Variants in PDE4D observed in about 807,000 individuals in gnomAD.
The protein encoded by PDE4D is 3',5'-cyclic-AMP phosphodiesterase 4D.
PDE4D carries 24 observed loss-of-function variants against 87.4 expected under a neutral mutation model. The observed-to-expected ratio is 0.27, with a 90% CI of 0.20 to 0.39. The LOEUF is 0.39. Among genes scored for constraint, PDE4D ranks in the 10% least tolerant of loss-of-function variants. The probability of loss-of-function intolerance (pLI) is 1.00; values close to 1 mark genes in which losing one functional copy is unlikely to be tolerated. For missense variants in PDE4D, 714 were observed against 1,041.0 expected (o/e 0.69, Z 4.32); for synonymous variants, 384 against 383.2 (o/e 1.00, Z -0.02).
At chr5:58,988,639 T>C (rs1442038692) in intron 10 of PDE4D, 47 bp from the exon 11 acceptor site, 1 of 805,062 alleles carries the variant, frequency 1.2e-6, no homozygotes, top group Non-Finnish European at 1.9e-6. Context: ...TACAATGATA[T>C]GAATTAAAAG....
chr5:60,321,775 A>C (rs1316484190), intron 1 of PDE4D, among the ~76,000 whole-genome samples: 1 of 152,230 alleles, frequency 6.6e-6, no homozygotes, highest in Non-Finnish European at 1.5e-5. Context: ...ACACACAACC[A>C]ACAAATATGT....
intron 3 of PDE4D, among the ~76,000 whole-genome samples, chr5:59,932,609 T>C (rs1473540959): frequency 6.6e-6 from 1 of 152,210 alleles, no homozygotes; most frequent in East Asian, 1.9e-4. Context: ...GCCATCACAC[T>C]GTAAAGACCT....
intron 1 of PDE4D, among the ~76,000 whole-genome samples, chr5:59,260,301 T>C (rs1761758925): frequency 6.6e-6 from 1 of 151,842 alleles, no homozygotes; most frequent in Non-Finnish European, 1.5e-5. Flanking sequence ...TTTATGTGAA[T>C]TTGAAATTTA....
intron 1 of PDE4D, among the ~76,000 whole-genome samples, chr5:60,428,904 A>C (rs1387091604): frequency 1.3e-5 from 2 of 152,214 alleles, no homozygotes; most frequent in African/African-American, 2.4e-5. Context: ...ATTTGGAACC[A>C]GACAGACTTC....
chr5:59,427,304 C>T (rs953128057), intron 1 of PDE4D, among the ~76,000 whole-genome samples: 15 of 142,600 alleles, frequency 1.1e-4, no homozygotes, highest in Non-Finnish European at 1.7e-4. Flanking sequence ...CACACACACA[C>T]ACACACACAC....
At chr5:59,062,018 C>G (rs1763201466) in intron 5 of PDE4D, among the ~76,000 whole-genome samples, 1 of 152,050 alleles carries the variant, frequency 6.6e-6, no homozygotes, top group East Asian at 1.9e-4. Flanking sequence ...GCAGCATCAC[C>G]AGCGTCCACT....
intron 1 of PDE4D, among the ~76,000 whole-genome samples, chr5:59,515,704 G>C (rs576027341): frequency 1.2e-3 from 183 of 152,268 alleles, no homozygotes; most frequent in Admixed American, 2.6e-3. Flanking sequence ...AGCAACAGAA[G>C]TCTACAGTGG....
At chr5:60,271,577 G>A (rs1750814196) in intron 1 of PDE4D, among the ~76,000 whole-genome samples, 1 of 152,132 alleles carries the variant, frequency 6.6e-6, no homozygotes, top group South Asian at 2.1e-4. Context: ...CCCCACCAAA[G>A]AAAAGGCCCT....
At chr5:60,170,285 A>G (rs1337335873) in intron 2 of PDE4D, among the ~76,000 whole-genome samples, 1 of 152,016 alleles carries the variant, frequency 6.6e-6, no homozygotes, top group Non-Finnish European at 1.5e-5. Flanking sequence ...ACTTGGGATG[A>G]GTCAAATAAG....
intron 1 of PDE4D, among the ~76,000 whole-genome samples, chr5:60,382,460 C>A (rs16877968): frequency 2.0e-5 from 3 of 152,156 alleles, no homozygotes; most frequent in Non-Finnish European, 4.4e-5. Flanking sequence ...CCAAGAGCAT[C>A]GGACTCAACT....
chr5:59,599,536 T>A (rs191068889), intron 1 of PDE4D, among the ~76,000 whole-genome samples: 2 of 152,226 alleles, frequency 1.3e-5, no homozygotes, highest in Non-Finnish European at 2.9e-5. Context: ...TTTCAAACTG[T>A]CCCTTTAAAC....
chr5:60,444,439 A>G (rs1020877785), intron 1 of PDE4D, among the ~76,000 whole-genome samples: 1 of 152,122 alleles, frequency 6.6e-6, no homozygotes, highest in African/African-American at 2.4e-5. Context: ...ATTCCCAAAG[A>G]TATTATAGTA....
chr5:59,483,821 C>A (rs193253609), intron 1 of PDE4D, among the ~76,000 whole-genome samples: 2 of 152,162 alleles, frequency 1.3e-5, no homozygotes, highest in African/African-American at 4.8e-5. Flanking sequence ...TTTAGGGACA[C>A]CTTTGCTGCT....
At chr5:59,990,840 A>T (rs1348994566) in intron 2 of PDE4D, among the ~76,000 whole-genome samples, 1 of 152,068 alleles carries the variant, frequency 6.6e-6, no homozygotes, top group Non-Finnish European at 1.5e-5. Flanking sequence ...TTCGCCTGGG[A>T]CCTTTTGATT....
chr5:60,238,623 A>G (rs1253305847), intron 1 of PDE4D, among the ~76,000 whole-genome samples: 1 of 151,950 alleles, frequency 6.6e-6, no homozygotes, highest in Non-Finnish European at 1.5e-5. Flanking sequence ...GCTAAAGCAA[A>G]TATTTGTGTG....
intron 1 of PDE4D, among the ~76,000 whole-genome samples, chr5:59,606,083 A>T (rs1291165711): frequency 2.0e-5 from 3 of 152,112 alleles, no homozygotes; most frequent in Non-Finnish European, 4.4e-5. Context: ...ATATGTATAT[A>T]CATGAATATA....
intron 11 of PDE4D, among the ~76,000 whole-genome samples, chr5:58,987,749 A>G (rs1746810142): frequency 6.6e-6 from 1 of 152,202 alleles, no homozygotes; most frequent in Non-Finnish European, 1.5e-5. Context: ...TTTATAATCT[A>G]CCATATGGGA....
intron 6 of PDE4D, among the ~76,000 whole-genome samples, chr5:59,021,112 C>T (rs1755074601): frequency 6.6e-6 from 1 of 152,076 alleles, no homozygotes; most frequent in African/African-American, 2.4e-5. Context: ...GAAGGTCATC[C>T]AGGGTGAGAG....
At chr5:60,520,533 T>A (rs1409270279) in intron 1 of PDE4D, among the ~76,000 whole-genome samples, 1 of 152,202 alleles carries the variant, frequency 6.6e-6, no homozygotes, top group Non-Finnish European at 1.5e-5. Context: ...ATTCACTCTC[T>A]TTATCTTGTG....
Sources: gnomAD v4.1 joint callset for allele counts (sites outside exome capture counted in the v4.1 genomes callset) on GRCh38, gnomAD v4.1.1 for gene constraint, MANE v1.5 for transcripts, NCBI Gene and HGNC (gene_info 2026-07-23, HGNC 2026-07-21) for gene names.